The following ANXA6 variants were observed in gnomAD, a reference collection of about 807,000 sequenced individuals.
ANXA6 encodes annexin A6.
In ANXA6, 71 loss-of-function variants were observed where a neutral mutation model predicts 95.4. That is an observed-to-expected ratio of 0.74 (90% CI 0.61 to 0.91). The LOEUF (loss-of-function observed/expected upper bound fraction) is 0.91, where lower values mean the gene tolerates loss of function less well. ANXA6 is among the 40% of genes least tolerant of loss of function. The pLI, the probability that ANXA6 is intolerant of heterozygous loss-of-function variation, is 0.00. For synonymous variants in ANXA6, 289 were observed against 315.9 expected (o/e 0.91, Z 0.90); for missense variants, 830 against 876.4 (o/e 0.95, Z 0.67).
chr5:151,128,269 C>T (rs1765386033), intron 12 of ANXA6, 30 bp from the exon 13 acceptor site: 1 of 1,581,996 alleles, frequency 6.3e-7, no homozygotes, highest in African/African-American at 1.3e-5. Context: ...GGTTACCTCT[C>T]ACCCAGCCCT....
At position 151,108,544 on chromosome 5, in the gene ANXA6, T is replaced by C; in HGVS notation, c.1691A>G (p.Gln564Arg). ...ATAGTTGGTCATCTTGATGAACTCCTGGAAGACTGGCCACAAGAGAAGCCC... is the reference window on the plus strand; with the variant it reads ...ATAGTTGGTCATCTTGATGAACTCCCGGAAGACTGGCCACAAGAGAAGCCC... ...RSYPHLRRVF[Q>R]EFIKMTNYDV... Residue 564 changes from glutamine to arginine, a missense_variant, in exon 23 of 26, where the codon CAG (glutamine) becomes CGG (arginine). Coordinates refer to ENST00000354546, the MANE Select transcript of ANXA6 (RefSeq NM_001155.5). The C allele has an allele frequency of 6.2e-7, 1 of 1,613,938 alleles. No homozygotes were observed. The highest frequency in any genetic ancestry group is 1.1e-5 in the South Asian group (1 of 91,092).
Position 151,129,342 on chromosome 5 carries a change from C to T in ANXA6, c.918+65G>A, listed in dbSNP as rs1765424364. 3.1e-6 allele frequency: 5 copies of T among 1,593,362 alleles called. No individual in the cohort carries two copies. In the African/African-American group the frequency reaches 4.0e-5, roughly 13 times the overall value. ...ACATTTCCTTTTCCTGGGAATAGTC[C>T]CCAAGCCCTCTGTCTTGGCAAAAAG... On this transcript the variant is annotated intron_variant, in intron 12 of 25. Transcript: ENST00000354546.
intron 12 of ANXA6, chr5:151,128,505 T>C: frequency 2.3e-6 from 1 of 439,002 alleles, no homozygotes; most frequent in Non-Finnish European, 4.2e-6. Flanking sequence ...ATGACTTTGC[T>C]ACCAATATGC....
At chr5:151,127,688 G>A (rs1233865395) in intron 13 of ANXA6, among the ~76,000 whole-genome samples, 1 of 152,180 alleles carries the variant, frequency 6.6e-6, no homozygotes, top group Non-Finnish European at 1.5e-5. Context: ...GTTCTCCCCA[G>A]CACAGGACTG....
intron 1 of ANXA6, among the ~76,000 whole-genome samples, chr5:151,150,366 G>A (rs1243137524): frequency 2.0e-5 from 3 of 152,172 alleles, no homozygotes; most frequent in South Asian, 2.1e-4. Context: ...CTGCTTTGTA[G>A]GGTTGTTGGA....
At chr5:151,146,353 T>C (rs1162085142) in intron 2 of ANXA6, among the ~76,000 whole-genome samples, 1 of 152,138 alleles carries the variant, frequency 6.6e-6, no homozygotes, top group African/African-American at 2.4e-5. Context: ...ATCAGTAACA[T>C]TTTCTCCTCC....
chr5:151,145,947 C>T (rs1473717925), intron 2 of ANXA6, among the ~76,000 whole-genome samples: 1 of 151,598 alleles, frequency 6.6e-6, no homozygotes, highest in African/African-American at 2.4e-5. Flanking sequence ...TCCCCTCTCT[C>T]CTCAACCTAG....
rs149381812 is a variant in ANXA6, at chr5:151,125,627, A to G, written c.1056+775T>C. Among the ~76,000 whole-genome samples, 292 of 152,286 alleles carry G rather than the reference A, an allele frequency of 1.9e-3. 2 individuals carry two copies. Among genetic ancestry groups the G allele is most frequent in the Non-Finnish European group, 3.0e-3 (205 of 68,030 alleles). Reference sequence around the variant, plus strand: ...GACTTCCTCTTTGACGTAATCAGAAACGCTGATGAAATTGGAAAGGAGTGC... The same window carrying G: ...GACTTCCTCTTTGACGTAATCAGAAGCGCTGATGAAATTGGAAAGGAGTGC... On this transcript the variant is annotated intron_variant, in intron 14 of 25. Transcript: ENST00000354546.
At chr5:151,101,557 A>T in intron 25 of ANXA6, 50 bp from the exon 26 acceptor site, 1 of 1,484,268 alleles carries the variant, frequency 6.7e-7, no homozygotes, top group Non-Finnish European at 9.2e-7. Flanking sequence ...TCCAGTCTCA[A>T]TGCCCCCTCC....
Position 151,139,479 on chromosome 5 carries a change from C to T in ANXA6, c.110-32G>A, listed in dbSNP as rs200814972. 256 of 1,555,662 alleles carry T rather than the reference C, an allele frequency of 1.6e-4. No individual in the cohort carries two copies. In the African/African-American group the frequency reaches 2.1e-3, roughly 13 times the overall value. ...TAGGGGAGAGCAATCATCATCCTAC[C>T]CACCCTGCCTCCAGGAAGCCCACCA... is the stretch of plus-strand genomic sequence containing the variant. On this transcript the variant is annotated intron_variant, in intron 3 of 25. Transcript: ENST00000354546.
rs370500435 is a variant in ANXA6, at chr5:151,108,459, G to A, written c.1776C>T (p.Ala592=). ...MSGDVRDAFV[A]IVQSVKNKPL... is the part of the protein sequence containing the mutation. The stretch of plus-strand genomic sequence containing the variant: ...CCCTTAGTCCCTGCCAGTTACCAAT[G>A]GCCACAAATGCATCCCTGACATCCC... Residue 592 remains alanine (A), a synonymous_variant, in exon 23 of 26, where the codon GCC becomes GCT. Transcript: ENST00000354546. 9.3e-6 allele frequency: 15 copies of A among 1,613,574 alleles called. No homozygotes were observed. Among genetic ancestry groups the A allele is most frequent in the Non-Finnish European group, 1.3e-5 (15 of 1,179,586 alleles).
chr5:151,131,218 C>T lies in ANXA6; in HGVS notation c.795+13G>A, dbSNP rs201297582. The T allele has an allele frequency of 4.6e-5, 75 of 1,613,798 alleles. No individual in the cohort carries two copies. The highest frequency in any genetic ancestry group is 6.0e-5 in the Non-Finnish European group (71 of 1,179,712). On this transcript the variant is annotated intron_variant, in intron 11 of 25. Coordinates refer to ENST00000354546, the MANE Select transcript of ANXA6 (RefSeq NM_001155.5). ...TCTCCCCAAACCCCATTCACATCAG[C>T]CCCACCACGCACCTTCATAGCCTTG...
chr5:151,109,591 G>A lies in ANXA6; in HGVS notation c.1684+162C>T, dbSNP rs1418469999. Among the ~76,000 whole-genome samples, 5 of 152,172 alleles carry A rather than the reference G, an allele frequency of 3.3e-5. No individual in the cohort carries two copies. In the South Asian group the frequency reaches 1.0e-3, roughly 32 times the overall value. Reference sequence around the variant, plus strand: ...GGTATAAGTGGTAGAGCCAGGACTAGAACCCAGGGCTCCAGAGTCGCCGTC... The same window carrying A: ...GGTATAAGTGGTAGAGCCAGGACTAAAACCCAGGGCTCCAGAGTCGCCGTC... On this transcript the variant is annotated intron_variant, in intron 22 of 25. Transcript: ENST00000354546.
At chr5:151,141,122 G>A (rs1319411652) in intron 2 of ANXA6, among the ~76,000 whole-genome samples, 4 of 152,336 alleles carry the variant, frequency 2.6e-5, no homozygotes, top group East Asian at 1.9e-4. Flanking sequence ...CTTAGACATC[G>A]AACCTGAACC....
At chr5:151,105,746 ATC>A (rs1276553738) in intron 23 of ANXA6, among the ~76,000 whole-genome samples, 1 of 152,208 alleles carries the variant, frequency 6.6e-6, no homozygotes, top group Non-Finnish European at 1.5e-5. Flanking sequence ...CAACATTAGC[ATC>A]ACTTGAAAAC....
rs749966779 is a variant in ANXA6 at position 151,129,493 on chromosome 5, T to C, written c.832A>G (p.Met278Val). The change falls in exon 12 of 26, where the codon ATG (methionine) becomes GTG (valine). Residue 278 changes from methionine (M) to valine (V), a missense_variant. Met to Val is a conservative substitution (Grantham distance 21). Coordinates refer to ENST00000354546, the MANE Select transcript of ANXA6 (RefSeq NM_001155.5). ...GTRDNTLIRIMVSRSELDMLD... is the reference protein window; with the variant it reads ...GTRDNTLIRIVVSRSELDMLD... ...ATGTCCAACTCACTACGGGAGACCATGATGCGGATCAGGGTGTTGTCCCGA... is the reference window on the plus strand; with the variant it reads ...ATGTCCAACTCACTACGGGAGACCACGATGCGGATCAGGGTGTTGTCCCGA... 5.0e-6 allele frequency: 8 copies of C among 1,611,024 alleles called. No homozygotes were observed. Among genetic ancestry groups the C allele is most frequent in the Admixed American group, 3.4e-5 (2 of 59,686 alleles).
chr5:151,103,096 A>C (rs1764592853), intron 25 of ANXA6, among the ~76,000 whole-genome samples: 1 of 152,174 alleles, frequency 6.6e-6, no homozygotes, highest in African/African-American at 2.4e-5. Flanking sequence ...TCCTGGGTTC[A>C]AGCGATTCTC....
At position 151,139,366 on chromosome 5, in the gene ANXA6, G is replaced by A; in HGVS notation, c.191C>T (p.Ser64Phe). 2 of 1,611,936 alleles carry A rather than the reference G, an allele frequency of 1.2e-6. No individual in the cohort carries two copies. Among genetic ancestry groups the A allele is most frequent in the Non-Finnish European group, 1.7e-6 (2 of 1,178,716 alleles). Residue 64 changes from serine (S) to phenylalanine (F), a missense_variant, in exon 4 of 26, where the codon TCC becomes TTC. Coordinates refer to ENST00000354546, the MANE Select transcript of ANXA6 (RefSeq NM_001155.5). ...QRQEVCQSYK[S>F]LYGKDLIADL... ...TGCTGTGGTTACCTTGCCGTAGAGG[G>A]ACTTGTAGCTCTGGCAGACCTCCTG...
chr5:151,156,163 A>C (rs1327099203), intron 1 of ANXA6, among the ~76,000 whole-genome samples: 1 of 152,236 alleles, frequency 6.6e-6, no homozygotes, highest in Non-Finnish European at 1.5e-5. Flanking sequence ...TGATTGTCAC[A>C]GCTGCAGAGG....
Sources: gnomAD v4.1 joint callset for allele counts (sites outside exome capture counted in the v4.1 genomes callset) on GRCh38, gnomAD v4.1.1 for gene constraint, MANE v1.5 for transcripts, NCBI Gene and HGNC (gene_info 2026-07-23, HGNC 2026-07-21) for gene names.